IL17REL: variants seen among roughly 807,000 people sequenced by gnomAD.
The protein encoded by IL17REL is interleukin 17 receptor E like.
Under a neutral mutation model 49.0 loss-of-function variants are expected in IL17REL, and 36 were observed. The observed-to-expected ratio is 0.73, with a 90% CI of 0.56 to 0.97. The LOEUF is 0.97. Among genes scored for constraint, IL17REL ranks in the 50% least tolerant of loss-of-function variants. The probability of loss-of-function intolerance (pLI) is 0.00; values close to 1 mark genes in which losing one functional copy is unlikely to be tolerated. For synonymous variants in IL17REL, 206 were observed against 192.4 expected, an observed-to-expected ratio of 1.07 and a Z score of -0.58; for missense variants, 470 against 453.9, an observed-to-expected ratio of 1.04 and a Z score of -0.32.
intron 10 of IL17REL, 40 bp from the exon 13 acceptor site, chr22:49,997,523 AC>A (rs2061044145): frequency 7.4e-7 from 1 of 1,353,456 alleles, no homozygotes; most frequent in Non-Finnish European, 1.0e-6. Flanking sequence ...CCGGCCCAGC[AC>A]CCCACCGCCT....
At chr22:49,999,752 T>G (rs2061065520) in intron 5 of IL17REL, 76 bp downstream of exon 7, 2 of 1,099,446 alleles carry the variant, frequency 1.8e-6, no homozygotes, top group African/African-American at 4.7e-5. Flanking sequence ...GGGCGGGGCC[T>G]AAGGCTGACC....
intron 1 of IL17REL, among the ~76,000 whole-genome samples, chr22:50,008,303 A>T (rs748452280): frequency 3.3e-5 from 5 of 152,220 alleles, no homozygotes; most frequent in Admixed American, 1.3e-4. Flanking sequence ...ATCACTTTAC[A>T]CAGGGAAAAA....
chr22:50,007,967 G>A (rs1344951002), intron 1 of IL17REL, among the ~76,000 whole-genome samples: 2 of 151,342 alleles, frequency 1.3e-5, no homozygotes, highest in Non-Finnish European at 2.9e-5. Flanking sequence ...GGCCAGGCAT[G>A]GTGGCTCAAG....
intron 5 of IL17REL, 54 bp from the exon 8 acceptor site, chr22:49,999,556 G>T: frequency 1.4e-6 from 2 of 1,410,616 alleles, no homozygotes; most frequent in Non-Finnish European, 1.9e-6. Flanking sequence ...GGGGTGGTCT[G>T]GGGTGGGCGG....
chr22:50,006,319 T>C (rs754745450), intron 1 of IL17REL, among the ~76,000 whole-genome samples: 2 of 152,070 alleles, frequency 1.3e-5, no homozygotes, highest in Admixed American at 6.6e-5. Flanking sequence ...GAAACCTCAG[T>C]CTGTGAATCT....
At chr22:49,999,670 G>A (rs1471159785) in intron 5 of IL17REL, among the ~76,000 whole-genome samples, 158 bp downstream of exon 7, 2 of 120,494 alleles carry the variant, frequency 1.7e-5, no homozygotes, top group East Asian at 5.2e-4. Flanking sequence ...CTGGCCGGGG[G>A]CGGGGCGCGG....
chr22:49,994,021 C>T (rs1054322845), downstream of IL17REL, among the ~76,000 whole-genome samples: 2 of 152,102 alleles, frequency 1.3e-5, no homozygotes, highest in South Asian at 4.2e-4. Context: ...CCTGACCTCC[C>T]CCAGGCTAGG....
In IL17REL at chr22:50,000,759, G is replaced by GC. The variant is rs747097955; in HGVS notation, c.213dup (p.Gln72AlafsTer118). On this transcript the variant is annotated frameshift_variant, in exon 3 of 13. Transcript: ENST00000341280. LOFTEE classifies it high-confidence loss of function. The stretch of plus-strand genomic sequence containing the variant: ...GAGCCCTGCCTTGGCCTCACCTGCT[G>GC]CCCCCCCTGCTGCCGGTGGGAGGCC... The GC allele has an allele frequency of 1.7e-5, 27 of 1,586,488 alleles. No homozygotes were observed. Among genetic ancestry groups the GC allele is most frequent in the Admixed American group, 3.5e-5 (2 of 57,152 alleles).
chr22:49,997,305 A>G lies in IL17REL; in HGVS notation c.974+15T>C, dbSNP rs772569816. The G allele has an allele frequency of 6.2e-7, 1 of 1,609,772 alleles. No individual in the cohort carries two copies. The highest frequency in any genetic ancestry group is 1.1e-5 in the South Asian group (1 of 90,792). On this transcript the variant is annotated intron_variant, in intron 11 of 12. Transcript: ENST00000341280. ...CCCCACCTCCCCAGGATGGAGCCCC[A>G]CTCTCTCGGCTCACTGAGGCTGAAG...
intron 1 of IL17REL, among the ~76,000 whole-genome samples, chr22:50,008,389 G>A (rs549469377): frequency 2.6e-5 from 4 of 152,218 alleles, no homozygotes; most frequent in African/African-American, 4.8e-5. Flanking sequence ...GGCATTGTGC[G>A]TTAAGTGGAG....
At chr22:49,997,272 G>A (rs747592209) in intron 11 of IL17REL, 48 bp downstream of exon 13, 52 of 1,569,924 alleles carry the variant, frequency 3.3e-5, no homozygotes, top group Admixed American at 2.2e-4. Flanking sequence ...GGGTCCTGCC[G>A]CCACCACCCC....
chr22:50,012,254 G>A (rs2061145321), upstream of IL17REL, among the ~76,000 whole-genome samples: 2 of 152,230 alleles, frequency 1.3e-5, no homozygotes, highest in South Asian at 2.1e-4. Flanking sequence ...TGGGAGCCCC[G>A]GATGGGCTTG....
At chr22:50,006,221 A>G (rs549523479) in intron 1 of IL17REL, among the ~76,000 whole-genome samples, 1 of 152,188 alleles carries the variant, frequency 6.6e-6, no homozygotes, top group East Asian at 1.9e-4. Flanking sequence ...AGACTCGCTG[A>G]GTGGAGGAGC....
chr22:49,996,901 T>TC (rs1050370408), intron 12 of IL17REL, 41 bp from the exon 15 acceptor site: 80 of 656,408 alleles, frequency 1.2e-4, no homozygotes, highest in South Asian at 2.3e-4. Flanking sequence ...GCCTCCTGCT[T>TC]CCCCCGGGGA....
chr22:50,008,315 C>T (rs997306528), intron 1 of IL17REL, among the ~76,000 whole-genome samples: 4 of 152,302 alleles, frequency 2.6e-5, no homozygotes, highest in African/African-American at 7.2e-5. Context: ...AGGGAAAAAG[C>T]TTTGCTAGAG....
Position 49,999,350 on chromosome 22 carries a change from G to C in IL17REL, c.547-5C>G. The C allele has an allele frequency of 6.2e-7, 1 of 1,612,926 alleles. No homozygotes were observed. The highest frequency in any genetic ancestry group is 1.3e-5 in the African/African-American group (1 of 75,028). On this transcript the variant is annotated splice_region_variant and splice_polypyrimidine_tract_variant and intron_variant, in intron 6 of 12. Coordinates refer to ENST00000341280, the Ensembl canonical transcript of IL17REL. ...GTCAGGGGTCGCAGACCAGCCCTGTGGGAGGGGCTGGGGTCAGCGCAGCCC... is the reference window on the plus strand; with the variant it reads ...GTCAGGGGTCGCAGACCAGCCCTGTCGGAGGGGCTGGGGTCAGCGCAGCCC...
chr22:49,992,251 C>T (rs762551316), downstream of IL17REL, among the ~76,000 whole-genome samples: 16 of 152,120 alleles, frequency 1.1e-4, no homozygotes, highest in Non-Finnish European at 1.5e-4. Flanking sequence ...CAGGACACCC[C>T]GAAGGCCTCA....
At chr22:50,000,206 G>C (rs1015452493) in intron 4 of IL17REL, among the ~76,000 whole-genome samples, 1 of 152,230 alleles carries the variant, frequency 6.6e-6, no homozygotes, top group Non-Finnish European at 1.5e-5. Flanking sequence ...CGAGGCAGTC[G>C]GGCACGCTCC....
chr22:50,002,395 G>A (rs767705290), intron 1 of IL17REL, among the ~76,000 whole-genome samples: 9 of 152,174 alleles, frequency 5.9e-5, no homozygotes, highest in East Asian at 3.9e-4. Context: ...GACAACTGAC[G>A]GTTGAGACCT....
Sources: allele counts gnomAD v4.1 joint callset (sites outside exome capture counted in the v4.1 genomes callset), GRCh38; gene constraint gnomAD v4.1.1; transcripts MANE v1.5; gene names NCBI Gene and HGNC (gene_info 2026-07-23, HGNC 2026-07-21).